The following HSP90B1 variants were observed in gnomAD, a reference collection of about 807,000 sequenced individuals.
HSP90B1 encodes the protein heat shock protein 90 beta family member 1.
In HSP90B1, 27 loss-of-function variants were observed where a neutral mutation model predicts 100.4. That is an observed-to-expected ratio of 0.27 (90% CI 0.20 to 0.37). The LOEUF (loss-of-function observed/expected upper bound fraction) is 0.37, where lower values mean the gene tolerates loss of function less well. Among genes scored for constraint, HSP90B1 ranks in the 10% least tolerant of loss-of-function variants. The pLI, the probability that HSP90B1 is intolerant of heterozygous loss-of-function variation, is 1.00. For synonymous variants in HSP90B1, 304 were observed against 330.8 expected (o/e 0.92, Z 0.88); for missense variants, 678 against 960.5 (o/e 0.71, Z 3.89).
rs1215066846 is a variant in HSP90B1 at position 103,930,928 on chromosome 12, C to T, written c.49+364C>T. 6.6e-6 allele frequency among the ~76,000 whole-genome samples: 1 copy of T among 151,884 alleles called. No individual in the cohort carries two copies. Among genetic ancestry groups the T allele is most frequent in the East Asian group, 2.0e-4 (1 of 5,120 alleles). On this transcript the variant is annotated intron_variant, in intron 1 of 17. Coordinates refer to ENST00000299767, the MANE Select transcript of HSP90B1 (RefSeq NM_003299.3). This position sits in a 1 kb window ranked among gnomAD's most constrained non-coding sequence, Gnocchi z 4.4. ...CAACCTTCGGCCATCCCAGCTTTCC[C>T]GTCCCCTAATTCCCCAGACTCCGAC...
intron 2 of HSP90B1, chr12:103,931,864 T>C: frequency 1.9e-6 from 1 of 530,772 alleles, no homozygotes; most frequent in Non-Finnish European, 3.5e-6. Flanking sequence ...TAAGACTTTA[T>C]AGAAGATACT....
Position 103,943,220 on chromosome 12 carries a change from G to A in HSP90B1, c.1791G>A (p.Lys597=). 1 of 1,614,178 alleles carries A rather than the reference G, an allele frequency of 6.2e-7. No homozygotes were observed. Among genetic ancestry groups the A allele is most frequent in the Non-Finnish European group, 8.5e-7 (1 of 1,180,030 alleles). The change falls in exon 13 of 18, where the codon AAG becomes AAA. Residue 597 remains lysine, a synonymous_variant. Transcript: ENST00000299767. This position sits in a 1 kb window ranked among gnomAD's most constrained non-coding sequence, Gnocchi z 5.3. ...AGAATGTTGCCAAGGAAGGAGTGAA[G>A]TTCGATGAAAGTGAGAAAACTAAGG... ...RFQNVAKEGV[K]FDESEKTKES...
At position 103,931,562 on chromosome 12, in the gene HSP90B1, G is replaced by C; in HGVS notation, c.91G>C (p.Val31Leu). The C allele has an allele frequency of 6.2e-7, 1 of 1,613,872 alleles. No homozygotes were observed. The highest frequency in any genetic ancestry group is 2.2e-5 in the East Asian group (1 of 44,880). Residue 31 changes from valine (V) to leucine (L), a missense_variant, in exon 2 of 18, where the codon GTA becomes CTA. Physicochemically the swap from Val to Leu is conservative, Grantham distance 32. Coordinates refer to ENST00000299767, the MANE Select transcript of HSP90B1 (RefSeq NM_003299.3). The part of the protein sequence containing the change: ...ADDEVDVDGT[V>L]EEDLGKSREG... ...CGATGAAGTTGATGTGGATGGTACA[G>C]TAGAAGAGGATCTGGGTAAAAGTAG...
At chr12:103,938,294 A>C in intron 6 of HSP90B1, 46 bp from the exon 7 acceptor site, 1 of 1,495,380 alleles carries the variant, frequency 6.7e-7, no homozygotes, top group South Asian at 1.3e-5. Flanking sequence ...ACAAAATCAG[A>C]ATTGTTAAAC....
At chr12:103,931,858 A>C (rs1223853030) in intron 2 of HSP90B1, 3 of 541,162 alleles carry the variant, frequency 5.5e-6, no homozygotes, top group African/African-American at 1.9e-5. Flanking sequence ...ACTTTGTAAG[A>C]CTTTATAGAA....
rs1014656877 is a variant in HSP90B1, at chr12:103,932,849, A to C, written c.318A>C (p.Ser106=). Residue 106 remains serine (S), a synonymous_variant, in exon 4 of 18, where the codon TCA becomes TCC. Transcript: ENST00000299767. Reference sequence around the variant, plus strand: ...AGATTTTCCTGAGAGAACTGATTTCAAATGCTTCTGATGCTTTAGATAAGA... The same window carrying C: ...AGATTTTCCTGAGAGAACTGATTTCCAATGCTTCTGATGCTTTAGATAAGA... ...NKEIFLRELI[S]NASDALDKIR... 8 of 1,594,884 alleles carry C rather than the reference A, an allele frequency of 5.0e-6. No individual in the cohort carries two copies. The highest frequency in any genetic ancestry group is 6.9e-6 in the Non-Finnish European group (8 of 1,162,974).
In HSP90B1 at chr12:103,939,569, C is replaced by A; in HGVS notation, c.1036C>A (p.Pro346Thr). 6.3e-7 allele frequency: 1 copy of A among 1,587,240 alleles called. No homozygotes were observed. The highest frequency in any genetic ancestry group is 8.6e-7 in the Non-Finnish European group (1 of 1,168,176). The change falls in exon 8 of 18, where the codon CCA becomes ACA. Residue 346 changes from proline (P) to threonine (T), a missense_variant. This residue lies in a region of HSP90B1 where 238 missense variants were observed against 346.7 expected (regional missense o/e 0.69). Coordinates refer to ENST00000299767, the MANE Select transcript of HSP90B1 (RefSeq NM_003299.3). ...TGATATCAAACCAATATGGCAGAGA[C>A]CATCAAAAGAAGTAGAAGAAGATGA... ...MNDIKPIWQRPSKEVEEDEYK... is the reference protein window; with the variant it reads ...MNDIKPIWQRTSKEVEEDEYK...
chr12:103,932,210 C>T (rs1368686369), intron 2 of HSP90B1, 67 bp from the exon 3 acceptor site: 6 of 1,355,614 alleles, frequency 4.4e-6, no homozygotes, highest in Non-Finnish European at 6.1e-6. Flanking sequence ...GTGCTTTCAT[C>T]ATAATTCCTC....
rs567003190 is a variant in HSP90B1 at position 103,943,260 on chromosome 12, G to A, written c.1831G>A (p.Val611Ile). Residue 611 changes from valine (V) to isoleucine (I), a missense_variant, in exon 13 of 18, where the codon GTT (valine) becomes ATT (isoleucine). Coordinates refer to ENST00000299767, the MANE Select transcript of HSP90B1 (RefSeq NM_003299.3). This position sits in a 1 kb window ranked among gnomAD's most constrained non-coding sequence, Gnocchi z 5.3. Reference sequence around the variant, plus strand: ...GAAAACTAAGGAGAGTCGTGAAGCAGTTGAGAAAGAATTTGAGCCTCTGCT... The same window carrying A: ...GAAAACTAAGGAGAGTCGTGAAGCAATTGAGAAAGAATTTGAGCCTCTGCT... Reference protein sequence around the residue: ...SEKTKESREAVEKEFEPLLNW... With the variant: ...SEKTKESREAIEKEFEPLLNW... 4 of 1,614,142 alleles carry A rather than the reference G, an allele frequency of 2.5e-6. No individual in the cohort carries two copies. In the South Asian group the frequency reaches 3.3e-5, roughly 13 times the overall value.
At chr12:103,946,984 T>G in intron 16 of HSP90B1, 43 bp downstream of exon 16, 4 of 1,583,926 alleles carry the variant, frequency 2.5e-6, no homozygotes, top group Non-Finnish European at 3.4e-6. Context: ...CTGGCTTTCT[T>G]TGTTTCTGTT....
intron 2 of HSP90B1, chr12:103,931,997 A>G (rs1593486961): frequency 2.2e-6 from 1 of 456,672 alleles, no homozygotes; most frequent in Non-Finnish European, 4.0e-6. Flanking sequence ...TGAAGTCCTC[A>G]CTGTGGAGCA....
chr12:103,936,868 A>T lies in HSP90B1; in HGVS notation c.744-827A>T, dbSNP rs116481279. Among the ~76,000 whole-genome samples the T allele has an allele frequency of 3.7e-3, 565 of 152,244 alleles. 1 individual carries two copies. Among genetic ancestry groups the T allele is most frequent in the African/African-American group, 0.013 (523 of 41,546 alleles). On this transcript the variant is annotated intron_variant, in intron 5 of 17. Coordinates refer to ENST00000299767, the MANE Select transcript of HSP90B1 (RefSeq NM_003299.3). The stretch of plus-strand genomic sequence containing the variant: ...GAGACCAGGGGCCTAGTCACTCACT[A>T]GGCTTTGTCATATCATGGCTACTTA...
Position 103,938,439 on chromosome 12 carries a change from A to G in HSP90B1, c.955A>G (p.Lys319Glu), listed in dbSNP as rs1263111731. The change falls in exon 7 of 18, where the codon AAG becomes GAG. Residue 319 changes from lysine to glutamate, a missense_variant. By Grantham distance (56) the Lys-to-Glu change is moderately conservative (BLOSUM62 1). Transcript: ENST00000299767. The stretch of plus-strand genomic sequence containing the variant: ...TGCAGTAGAGGAAGAAGAAGAAGAA[A>G]AGAAACCAAAGACTAAAAAAGTAAG... Reference protein sequence around the residue: ...EAAVEEEEEEKKPKTKKVEKT... With the variant: ...EAAVEEEEEEEKPKTKKVEKT... The G allele has an allele frequency of 5.0e-6, 8 of 1,608,944 alleles. No homozygotes were observed. Among genetic ancestry groups the G allele is most frequent in the Non-Finnish European group, 6.8e-6 (8 of 1,176,678 alleles).
At chr12:103,937,644 A>G (rs1869954026) in intron 5 of HSP90B1, 51 bp from the exon 6 acceptor site, 1 of 878,474 alleles carries the variant, frequency 1.1e-6, no homozygotes, top group Non-Finnish European at 1.9e-6. Flanking sequence ...TGAATTTATA[A>G]TCAGATCTTC....
rs1279811572 is a variant in HSP90B1 at position 103,946,950 on chromosome 12, C to A, written c.2262+9C>A. On this transcript the variant is annotated intron_variant, in intron 16 of 17. Transcript: ENST00000299767. Reference sequence around the variant, plus strand: ...TTGACCCTGATGCAAAGGTTTGTATCCCCAACCTTCCCGCAAAGGCTGGCT... The same window carrying A: ...TTGACCCTGATGCAAAGGTTTGTATACCCAACCTTCCCGCAAAGGCTGGCT... The A allele has an allele frequency of 6.2e-7, 1 of 1,604,772 alleles. No homozygotes were observed. Among genetic ancestry groups the A allele is most frequent in the Non-Finnish European group, 8.5e-7 (1 of 1,176,698 alleles).
rs6615 is a variant in HSP90B1, at chr12:103,934,201, C to T, written c.657C>T (p.Thr219=). 0.13 allele frequency: 203,400 copies of T among 1,613,804 alleles called. 14,842 individuals are homozygous for T. Among genetic ancestry groups the T allele is most frequent in the East Asian group, 0.28 (12,768 of 44,878 alleles). ...TCACTTCAAAACACAACAACGATAC[C>T]CAGCACATCTGGGAGTCTGACTCCA... ...VIVTSKHNND[T]QHIWESDSNE... The change falls in exon 5 of 18, where the codon ACC becomes ACT. Residue 219 remains threonine, a synonymous_variant. Transcript: ENST00000299767.
rs1869955597 is a variant in HSP90B1 at position 103,937,701 on chromosome 12, C to G, written c.750C>G (p.Val250=). The change falls in exon 6 of 18, where the codon GTC becomes GTG. Residue 250 remains valine, a synonymous_variant. Coordinates refer to ENST00000299767, the MANE Select transcript of HSP90B1 (RefSeq NM_003299.3). The stretch of plus-strand genomic sequence containing the variant: ...CATCGAATTTTTCTTGCAGCCTTGT[C>G]TTAAAAGAAGAAGCATCTGATTACC... ...TLGRGTTITL[V]LKEEASDYLE... 1 of 1,551,158 alleles carries G rather than the reference C, an allele frequency of 6.4e-7. No individual in the cohort carries two copies. The highest frequency in any genetic ancestry group is 8.9e-7 in the Non-Finnish European group (1 of 1,125,398).
At chr12:103,938,544 T>G in intron 7 of HSP90B1, 85 bp downstream of exon 7, 2 of 1,461,430 alleles carry the variant, frequency 1.4e-6, no homozygotes, top group Non-Finnish European at 1.8e-6. Flanking sequence ...ACTGGCTGAT[T>G]TGAAGTCAGC....
intron 8 of HSP90B1, among the ~76,000 whole-genome samples, chr12:103,940,259 G>A (rs1870036085): frequency 6.6e-6 from 1 of 151,874 alleles, no homozygotes. Flanking sequence ...TCTTTAAAGA[G>A]CTTGCTTATG....
Sources: allele counts gnomAD v4.1 joint callset (sites outside exome capture counted in the v4.1 genomes callset), GRCh38; gene constraint gnomAD v4.1.1; regional missense constraint gnomAD v4.1.1; non-coding constraint Gnocchi (gnomAD v3.1); transcripts MANE v1.5; gene names NCBI Gene and HGNC (gene_info 2026-07-23, HGNC 2026-07-21).